LRRIQ1: variants seen among roughly 807,000 people sequenced by gnomAD.
The protein encoded by LRRIQ1 is leucine rich repeats and IQ motif containing 1.
In LRRIQ1, 210 loss-of-function variants were observed where a neutral mutation model predicts 211.9. The ratio of observed to expected loss-of-function variants is 0.99; its 90% CI spans 0.89 to 1.11. The LOEUF (loss-of-function observed/expected upper bound fraction) is 1.11, where lower values mean the gene tolerates loss of function less well. LRRIQ1 is among the 50% of genes most tolerant of loss of function. The pLI, the probability that LRRIQ1 is intolerant of heterozygous loss-of-function variation, is 0.00. For missense variants in LRRIQ1, 2,136 were observed against 1,939.5 expected, an observed-to-expected ratio of 1.10 and a Z score of -1.90; for synonymous variants, 699 against 650.1, an observed-to-expected ratio of 1.08 and a Z score of -1.14.
intron 24 of LRRIQ1, among the ~76,000 whole-genome samples, chr12:85,188,279 C>T (rs1454415559): frequency 6.6e-6 from 1 of 151,988 alleles, no homozygotes; most frequent in Non-Finnish European, 1.5e-5. Flanking sequence ...TGGATAATTA[C>T]ATTTTAATTA....
chr12:85,142,090 G>C (rs201358126), intron 19 of LRRIQ1, among the ~76,000 whole-genome samples: 1 of 151,278 alleles, frequency 6.6e-6, no homozygotes, highest in African/African-American at 2.4e-5. Flanking sequence ...TAGAATTCTA[G>C]TTAGGCTTTC....
At chr12:85,145,142 T>G (rs1053718377) in intron 19 of LRRIQ1, among the ~76,000 whole-genome samples, 9 of 151,592 alleles carry the variant, frequency 5.9e-5, no homozygotes, top group African/African-American at 2.2e-4. Context: ...CTGCCAACAA[T>G]GCTTACAATA....
rs536041998 is a variant in LRRIQ1, at chr12:85,075,200, A to G, written c.2887+2102A>G. ...AGTGGCTCACGCTTATAATCCTAGCACTTTGGGAGGCTGAAGAGGGAGGAT... is the reference window on the plus strand; with the variant it reads ...AGTGGCTCACGCTTATAATCCTAGCGCTTTGGGAGGCTGAAGAGGGAGGAT... On this transcript the variant is annotated intron_variant, in intron 11 of 26. Transcript: ENST00000393217. Among the ~76,000 whole-genome samples the G allele has an allele frequency of 1.9e-3, 294 of 152,190 alleles. 2 individuals are homozygous for G. The highest frequency in any genetic ancestry group is 6.7e-3 in the African/African-American group (280 of 41,558).
intron 19 of LRRIQ1, among the ~76,000 whole-genome samples, chr12:85,144,658 G>A (rs892136010): frequency 7.9e-5 from 12 of 151,616 alleles, no homozygotes; most frequent in African/African-American, 2.9e-4. Context: ...AGAAAAAATA[G>A]AGAAGAGAAG....
At chr12:85,065,696 A>G (rs1415567812) in intron 9 of LRRIQ1, among the ~76,000 whole-genome samples, 1 of 151,892 alleles carries the variant, frequency 6.6e-6, no homozygotes, top group Non-Finnish European at 1.5e-5. Flanking sequence ...AGTTTAAACC[A>G]ACAACCATCC....
Position 85,095,684 on chromosome 12 carries a change from T to A in LRRIQ1, c.2888-2671T>A, listed in dbSNP as rs184631898. On this transcript the variant is annotated intron_variant, in intron 11 of 26. Coordinates refer to ENST00000393217, the MANE Select transcript of LRRIQ1 (RefSeq NM_001079910.2). ...TATGGGGGAGTCCCTACTCCTCACATTTTTTTGTGGAATAGCTTAAGTAGA... is the reference window on the plus strand; with the variant it reads ...TATGGGGGAGTCCCTACTCCTCACAATTTTTTGTGGAATAGCTTAAGTAGA... Among the ~76,000 whole-genome samples, 31 of 152,240 alleles carry A rather than the reference T, an allele frequency of 2.0e-4. No individual in the cohort carries two copies. In the East Asian group the frequency reaches 5.2e-3, roughly 26 times the overall value.
intron 24 of LRRIQ1, among the ~76,000 whole-genome samples, chr12:85,196,368 A>C (rs1482848980): frequency 6.6e-6 from 1 of 152,186 alleles, no homozygotes; most frequent in Non-Finnish European, 1.5e-5. Context: ...CACATCGCCA[A>C]GTCAATCCTA....
chr12:85,103,630 T>C (rs1418292061), intron 13 of LRRIQ1, among the ~76,000 whole-genome samples: 2 of 151,820 alleles, frequency 1.3e-5, no homozygotes, highest in South Asian at 2.1e-4. Context: ...GTAAATTCTT[T>C]GTAAATTTGG....
intron 24 of LRRIQ1, among the ~76,000 whole-genome samples, chr12:85,171,601 A>C (rs1161292579): frequency 1.3e-5 from 2 of 152,182 alleles, no homozygotes; most frequent in African/African-American, 4.8e-5. Context: ...TTGTGGACTG[A>C]GTTGTGTCCT....
At chr12:85,066,514 A>G (rs1328175459) in intron 9 of LRRIQ1, among the ~76,000 whole-genome samples, 3 of 151,592 alleles carry the variant, frequency 2.0e-5, no homozygotes, top group African/African-American at 7.3e-5. Flanking sequence ...TATCCTCTGT[A>G]TTTTCTGTAT....
chr12:85,247,002 G>A, downstream of LRRIQ1, among the ~76,000 whole-genome samples: 1 of 151,372 alleles, frequency 6.6e-6, no homozygotes, highest in Non-Finnish European at 1.5e-5. Context: ...ATGCATACGA[G>A]TTAGAACACA....
At chr12:85,123,375 A>G (rs894950568) in intron 16 of LRRIQ1, among the ~76,000 whole-genome samples, 15 of 152,078 alleles carry the variant, frequency 9.9e-5, no homozygotes, top group African/African-American at 3.1e-4. Flanking sequence ...AAATTTTTAG[A>G]CATGAAATAA....
intron 6 of LRRIQ1, 116 bp downstream of exon 6, chr12:85,047,586 G>A (rs1879784308): frequency 6.4e-6 from 5 of 776,468 alleles, no homozygotes; most frequent in South Asian, 3.7e-5. Context: ...ATTACTCTCT[G>A]ATAGAGGAAG....
At position 85,236,830 on chromosome 12, in the gene LRRIQ1, C is replaced by CATATATATATATATCTATAT. The variant is rs1555228690; in HGVS notation, c.5016+4088_5016+4089insCTATATATATATATATATAT. Among the ~76,000 whole-genome samples, 8 of 108,810 alleles carry CATATATATATATATCTATAT rather than the reference C, an allele frequency of 7.4e-5. No homozygotes were observed. The East Asian group carries it at 2.0e-3, about 27-fold the overall frequency. 71.4% of individuals were successfully genotyped at this position (108,810 alleles called of 152,430 possible). ...CTGGATATATGTATGTGTATGTGTG[C>CATATATATATATATCTATAT]ATATATATATATATATATATATATA... On this transcript the variant is annotated intron_variant, in intron 26 of 26. Coordinates refer to ENST00000393217, the MANE Select transcript of LRRIQ1 (RefSeq NM_001079910.2).
At chr12:85,083,713 C>T (rs1228929729) in intron 11 of LRRIQ1, among the ~76,000 whole-genome samples, 1 of 152,148 alleles carries the variant, frequency 6.6e-6, no homozygotes, top group African/African-American at 2.4e-5. Context: ...GCTGAGATTA[C>T]AGGCATCAGC....
chr12:85,170,081 A>G (rs1421069071), intron 24 of LRRIQ1, among the ~76,000 whole-genome samples: 1 of 152,036 alleles, frequency 6.6e-6, no homozygotes, highest in East Asian at 1.9e-4. Flanking sequence ...TAACTTTTAA[A>G]ACGTTTATAT....
In LRRIQ1 at chr12:85,055,764, A is replaced by G; in HGVS notation, c.971A>G (p.Lys324Arg). The change falls in exon 8 of 27, where the codon AAG becomes AGG. Residue 324 changes from lysine (K) to arginine (R), a missense_variant. Lys to Arg is a conservative substitution (Grantham distance 26). Transcript: ENST00000393217. ...AGGAAAGCACAAGAGTGGAAGGAAAAGGAAGCAAAAATACGACAAAAGGAG... is the reference window on the plus strand; with the variant it reads ...AGGAAAGCACAAGAGTGGAAGGAAAGGGAAGCAAAAATACGACAAAAGGAG... ...KKRKAQEWKE[K>R]EAKIRQKEEE... 6.2e-7 allele frequency: 1 copy of G among 1,609,174 alleles called. No homozygotes were observed. The highest frequency in any genetic ancestry group is 8.5e-7 in the Non-Finnish European group (1 of 1,177,360).
At chr12:85,068,909 C>T (rs1182688137) in intron 10 of LRRIQ1, among the ~76,000 whole-genome samples, 1 of 150,238 alleles carries the variant, frequency 6.7e-6, no homozygotes, top group Non-Finnish European at 1.5e-5. Context: ...TCATTAAGCC[C>T]TGTATTTTCT....
intron 24 of LRRIQ1, among the ~76,000 whole-genome samples, chr12:85,220,685 G>T (rs1213893162): frequency 6.7e-6 from 1 of 150,110 alleles, no homozygotes; most frequent in Non-Finnish European, 1.5e-5. Flanking sequence ...GGGTACATGT[G>T]CACAATGTGC....
Sources: allele counts gnomAD v4.1 joint callset (sites outside exome capture counted in the v4.1 genomes callset), GRCh38; gene constraint gnomAD v4.1.1; transcripts MANE v1.5; gene names NCBI Gene and HGNC (gene_info 2026-07-23, HGNC 2026-07-21).